The following LAMA5 variants were observed in gnomAD, a reference collection of about 807,000 sequenced individuals.
The protein encoded by LAMA5 is laminin subunit alpha-5.
Under a neutral mutation model 433.4 loss-of-function variants are expected in LAMA5, and 260 were observed. The observed-to-expected ratio is 0.60, with a 90% CI of 0.54 to 0.66. The LOEUF is 0.66. Among genes scored for constraint, LAMA5 ranks in the 30% least tolerant of loss-of-function variants. The probability of loss-of-function intolerance (pLI) is 0.00; values close to 1 mark genes in which losing one functional copy is unlikely to be tolerated. For synonymous variants in LAMA5, 2,620 were observed against 2,226.6 expected, an observed-to-expected ratio of 1.18 and a Z score of -4.97; for missense variants, 5,378 against 5,258.5, an observed-to-expected ratio of 1.02 and a Z score of -0.70.
intron 18 of LAMA5, among the ~76,000 whole-genome samples, chr20:62,335,780 A>T (rs1981490312): frequency 9.7e-6 from 1 of 103,386 alleles, no homozygotes; most frequent in African/African-American, 3.7e-5. Flanking sequence ...ACACTCATGG[A>T]CTCCAGTCCC....
intron 2 of LAMA5, among the ~76,000 whole-genome samples, chr20:62,357,898 G>A (rs1985477749): frequency 6.6e-6 from 1 of 152,168 alleles, no homozygotes; most frequent in South Asian, 2.1e-4. Flanking sequence ...CAAGCTCCAG[G>A]CTCCCTCCCT....
intron 2 of LAMA5, 148 bp downstream of exon 2, chr20:62,362,252 C>CCCCCCACCAAGTCCTT (rs1986214029): frequency 1.4e-6 from 1 of 718,150 alleles, no homozygotes; most frequent in African/African-American, 1.8e-5. Context: ...TGTGGGGACT[C>CCCCCCACCAAGTCCTT]CCCCCACCAA....
chr20:62,315,101 C>T lies in LAMA5; in HGVS notation c.7974G>A (p.Glu2658=), dbSNP rs779791366. Residue 2658 remains glutamate (E), a synonymous_variant, in exon 59 of 80, where the codon GAG becomes GAA. Transcript: ENST00000252999. ...GGCCCTCGTACTGGCCCTGCCACCGCTCCACATTCTCCTGCATGGCCTGCA... is the reference window on the plus strand; with the variant it reads ...GGCCCTCGTACTGGCCCTGCCACCGTTCCACATTCTCCTGCATGGCCTGCA... ...SQLQAMQENV[E]RWQGQYEGLR... is the part of the protein sequence containing the mutation. 4 of 1,606,658 alleles carry T rather than the reference C, an allele frequency of 2.5e-6. No individual in the cohort carries two copies. The highest frequency in any genetic ancestry group is 2.5e-6 in the Non-Finnish European group (3 of 1,179,694).
At chr20:62,339,991 A>T (rs1982329630) in intron 11 of LAMA5, among the ~76,000 whole-genome samples, 1 of 152,178 alleles carries the variant, frequency 6.6e-6, no homozygotes, top group Non-Finnish European at 1.5e-5. Context: ...TGGTAAACCG[A>T]GAGCTGTGTG....
In LAMA5 at chr20:62,311,517, C is replaced by T. The variant is rs199737407; in HGVS notation, c.9826G>A (p.Val3276Ile). The T allele has an allele frequency of 9.1e-4, 1,467 of 1,611,080 alleles. 23 individuals carry two copies. In the South Asian group the frequency reaches 0.011, roughly 12 times the overall value. The change falls in exon 72 of 80, where the codon GTA (valine) becomes ATA (isoleucine). Residue 3276 changes from valine (V) to isoleucine (I), a missense_variant. Val to Ile is a conservative substitution (Grantham distance 29). Coordinates refer to ENST00000252999, the MANE Select transcript of LAMA5 (RefSeq NM_005560.6). ...FVQRLLGPQR[V>I]FDLQQNLGSV... ...CCCAGGTTCTGCTGCAGATCAAATA[C>T]GCGCTGTGGGCCCAGGAGCCTGTGC...
intron 51 of LAMA5, among the ~76,000 whole-genome samples, chr20:62,319,358 T>A (rs1987405505): frequency 6.6e-6 from 1 of 151,590 alleles, no homozygotes; most frequent in Non-Finnish European, 1.5e-5. Flanking sequence ...GCAGGTCCTG[T>A]TAGGCAGGCT....
At chr20:62,354,915 C>T (rs545615425) in intron 2 of LAMA5, among the ~76,000 whole-genome samples, 5 of 152,290 alleles carry the variant, frequency 3.3e-5, no homozygotes, top group Admixed American at 6.5e-5. Flanking sequence ...GGCAGGGAGG[C>T]GGAGGAAACA....
Position 62,318,984 on chromosome 20 carries a change from G to A in LAMA5, c.6901C>T (p.Leu2301=), listed in dbSNP as rs1395874073. The stretch of plus-strand genomic sequence containing the variant: ...CCTGATGGAGCCGAGGCATTGGCCA[G>A]CCCCAGGTGGCCCGTCTGGGACATG... ...ELMSQTGHLG[L]ANASAPSGEQ... is the part of the protein sequence containing the mutation. The change falls in exon 52 of 80, where the codon CTG becomes TTG. Residue 2301 remains leucine, a synonymous_variant. Transcript: ENST00000252999. The A allele has an allele frequency of 1.3e-6, 2 of 1,589,664 alleles. No homozygotes were observed. The highest frequency in any genetic ancestry group is 1.1e-5 in the South Asian group (1 of 88,514).
intron 50 of LAMA5, among the ~76,000 whole-genome samples, chr20:62,320,250 A>G (rs1306146756): frequency 1.4e-5 from 2 of 143,420 alleles, no homozygotes; most frequent in South Asian, 2.3e-4. Flanking sequence ...CCCGGGAGGC[A>G]GAGGTTATGG....
Position 62,315,149 on chromosome 20 carries a change from G to A in LAMA5, c.7926C>T (p.Thr2642=), listed in dbSNP as rs756786793. The change falls in exon 59 of 80, where the codon ACC becomes ACT. Residue 2642 remains threonine, a synonymous_variant. Transcript: ENST00000252999. ...AKAVAAEAQD[T]ATRVQSQLQA... ...GCAGCTGGGACTGCACACGGGTGGCGGTGTCCTGGGCTTCAGCAGCCACAG... is the reference window on the plus strand; with the variant it reads ...GCAGCTGGGACTGCACACGGGTGGCAGTGTCCTGGGCTTCAGCAGCCACAG... 85 of 1,610,526 alleles carry A rather than the reference G, an allele frequency of 5.3e-5. No individual in the cohort carries two copies. Among genetic ancestry groups the A allele is most frequent in the Non-Finnish European group, 6.3e-5 (74 of 1,179,730 alleles).
chr20:62,364,007 C>T (rs778524762), intron 1 of LAMA5, among the ~76,000 whole-genome samples: 69 of 152,232 alleles, frequency 4.5e-4, no homozygotes, highest in Non-Finnish European at 8.4e-4. Flanking sequence ...ATGTATGAGA[C>T]CTGGAATTAT....
At chr20:62,348,553 G>T (rs866428956) in intron 6 of LAMA5, among the ~76,000 whole-genome samples, 1 of 152,092 alleles carries the variant, frequency 6.6e-6, no homozygotes, top group African/African-American at 2.4e-5. Context: ...CTTGCAGTGA[G>T]CCGAGATTGC....
chr20:62,310,067 C>G lies in LAMA5; in HGVS notation c.10749G>C (p.Ala3583=). Reference sequence around the variant, plus strand: ...TGGAGAACTCCCCTGCTCCGTCATCCGCCCGCAGCAGGACCTGGCGGGGTA... The same window carrying G: ...TGGAGAACTCCCCTGCTCCGTCATCGGCCCGCAGCAGGACCTGGCGGGGTA... ...QVTEKQVLLR[A]DDGAGEFSTS... The change falls in exon 78 of 80, where the codon GCG becomes GCC. Residue 3583 remains alanine, a synonymous_variant. Coordinates refer to ENST00000252999, the MANE Select transcript of LAMA5 (RefSeq NM_005560.6). 6.2e-7 allele frequency: 1 copy of G among 1,611,334 alleles called. No homozygotes were observed. Among genetic ancestry groups the G allele is most frequent in the Non-Finnish European group, 8.5e-7 (1 of 1,179,738 alleles).
Position 62,362,474 on chromosome 20 carries a change from G to T in LAMA5, c.376C>A (p.Arg126Ser). The T allele has an allele frequency of 6.2e-7, 1 of 1,604,030 alleles. No individual in the cohort carries two copies. Residue 126 changes from arginine to serine, a missense_variant, in exon 2 of 80, where the codon CGC becomes AGC. Arg to Ser is a moderately radical substitution (Grantham distance 110). Coordinates refer to ENST00000252999, the MANE Select transcript of LAMA5 (RefSeq NM_005560.6). Reference sequence around the variant, plus strand: ...GACAGCGGTGGACTCTGCCACCAGCGCTCCGTGCCATCGATGGCATTGCTC... The same window carrying T: ...GACAGCGGTGGACTCTGCCACCAGCTCTCCGTGCCATCGATGGCATTGCTC... ...PASNAIDGTE[R>S]WWQSPPLSRG...
chr20:62,362,458 G>A lies in LAMA5; in HGVS notation c.392C>T (p.Pro131Leu). ...IDGTERWWQSPPLSRGLEYNE... is the reference protein window; with the variant it reads ...IDGTERWWQSLPLSRGLEYNE... ...GTACTCCAGGCCGCGGGACAGCGGT[G>A]GACTCTGCCACCAGCGCTCCGTGCC... Residue 131 changes from proline (P) to leucine (L), a missense_variant, in exon 2 of 80, where the codon CCA becomes CTA. Coordinates refer to ENST00000252999, the MANE Select transcript of LAMA5 (RefSeq NM_005560.6). The A allele has an allele frequency of 6.2e-7, 1 of 1,601,390 alleles. No homozygotes were observed. Among genetic ancestry groups the A allele is most frequent in the Non-Finnish European group, 8.5e-7 (1 of 1,172,994 alleles).
rs749689187 is a variant in LAMA5 at position 62,319,652 on chromosome 20, T to C, written c.6871+32A>G. On this transcript the variant is annotated intron_variant, in intron 51 of 79. Transcript: ENST00000252999. ...CTACCCCAGGCAGCCCTCCTGGCTCTGAGCCCTGAGCCTGGCTGGGCTGGC... is the reference window on the plus strand; with the variant it reads ...CTACCCCAGGCAGCCCTCCTGGCTCCGAGCCCTGAGCCTGGCTGGGCTGGC... The C allele has an allele frequency of 4.7e-6, 7 of 1,475,874 alleles. No homozygotes were observed. In the South Asian group the frequency reaches 7.3e-5, roughly 15 times the overall value. The allele number at this position is 1,475,874 out of a possible 1,614,324, so 91.4% of individuals were successfully genotyped here. A position where few individuals can be genotyped will look rare whatever the true frequency, so the allele number is the denominator to read the frequency against.
At chr20:62,322,535 C>A in intron 46 of LAMA5, 86 bp from the exon 47 acceptor site, 1 of 1,462,670 alleles carries the variant, frequency 6.8e-7, no homozygotes, top group Non-Finnish European at 9.2e-7. Context: ...CCCATCTGGC[C>A]CCACCCCCTG....
chr20:62,322,340 G>C lies in LAMA5; in HGVS notation c.6275C>G (p.Pro2092Arg), dbSNP rs377213424. The change falls in exon 47 of 80, where the codon CCA becomes CGA. Residue 2092 changes from proline (P) to arginine (R), a missense_variant. Physicochemically the swap from Pro to Arg is moderately radical, Grantham distance 103. Transcript: ENST00000252999. The part of the protein sequence containing the change: ...HPQSGQCHCR[P>R]GTMGPQCREC... Reference sequence around the variant, plus strand: ...GCGGCACTGGGGTCCCATGGTCCCTGGTCGGCAGTGGCACTGTCCGCTCTG... The same window carrying C: ...GCGGCACTGGGGTCCCATGGTCCCTCGTCGGCAGTGGCACTGTCCGCTCTG... 5.0e-6 allele frequency: 8 copies of C among 1,596,356 alleles called. No homozygotes were observed. In the African/African-American group the frequency reaches 1.1e-4, roughly 21 times the overall value.
Position 62,338,385 on chromosome 20 carries a change from G to A in LAMA5, c.1619-16C>T. 1 of 1,606,490 alleles carries A rather than the reference G, an allele frequency of 6.2e-7. No homozygotes were observed. The highest frequency in any genetic ancestry group is 8.5e-7 in the Non-Finnish European group (1 of 1,176,488). On this transcript the variant is annotated splice_polypyrimidine_tract_variant and intron_variant, in intron 12 of 79. Transcript: ENST00000252999. ...CACTGGCAGGCTGCAGGAAAGGGTG[G>A]CCCACATGCTTGGTCAGAGGCACCA...
Sources: allele counts gnomAD v4.1 joint callset (sites outside exome capture counted in the v4.1 genomes callset), GRCh38; gene constraint gnomAD v4.1.1; transcripts MANE v1.5; gene names NCBI Gene and HGNC (gene_info 2026-07-23, HGNC 2026-07-21).